Variants in TGIF1 observed in about 807,000 individuals in gnomAD.
TGIF1 encodes homeobox protein TGIF1.
TGIF1 carries 4 observed loss-of-function variants against 19.3 expected under a neutral mutation model. That is an observed-to-expected ratio of 0.21 (90% CI 0.10 to 0.47). TGIF1 has a LOEUF of 0.47. Among genes scored for constraint, TGIF1 ranks in the 20% least tolerant of loss-of-function variants. The pLI, the probability that TGIF1 is intolerant of heterozygous loss-of-function variation, is 0.98. For synonymous variants in TGIF1, 122 were observed against 129.3 expected, an observed-to-expected ratio of 0.94 and a Z score of 0.38; for missense variants, 275 against 341.4, an observed-to-expected ratio of 0.81 and a Z score of 1.53.
At chr18:3,427,318 G>A (rs1366382692) in intron 2 of TGIF1, among the ~76,000 whole-genome samples, 4 of 148,952 alleles carry the variant, frequency 2.7e-5, no homozygotes, top group Admixed American at 6.7e-5. Flanking sequence ...TTGAGATGAA[G>A]CCTCACTCTG....
At chr18:3,426,296 G>C (rs1200409281) in intron 2 of TGIF1, among the ~76,000 whole-genome samples, 1 of 150,416 alleles carries the variant, frequency 6.6e-6, no homozygotes, top group Non-Finnish European at 1.5e-5. Context: ...AGCCTCCCAA[G>C]TTGCTGGGAC....
chr18:3,452,434 G>C lies in TGIF1; in HGVS notation c.16+1929G>C, dbSNP rs1261945029. ...GACTGGTTCAGGGCTCTTTGGGGGA[G>C]CCGAGGCTGCCGAGGTTACCCGGGT... On this transcript the variant is annotated intron_variant, in intron 1 of 2. Coordinates refer to ENST00000343820, the MANE Select transcript of TGIF1 (RefSeq NM_003244.4). 25 of 1,610,554 alleles carry C rather than the reference G, an allele frequency of 1.6e-5. No homozygotes were observed. In the African/African-American group the frequency reaches 1.9e-4, roughly 12 times the overall value.
chr18:3,448,748 T>A (rs1392329221), upstream of TGIF1, among the ~76,000 whole-genome samples: 2 of 97,022 alleles, frequency 2.1e-5, no homozygotes, highest in Non-Finnish European at 4.0e-5. Flanking sequence ...TGAGGGAGGG[T>A]GGCAGGCTAG....
upstream of TGIF1, chr18:3,448,717 CTTTT>C (rs869086299): frequency 0.014 from 3,499 of 254,552 alleles, no homozygotes; most frequent in Non-Finnish European, 0.017. Context: ...GCGGGGGTGT[CTTTT>C]TTTTTTTTTT....
upstream of TGIF1, chr18:3,448,619 C>T (rs1452899322): frequency 1.7e-5 from 17 of 985,106 alleles, no homozygotes; most frequent in African/African-American, 1.6e-4. Context: ...CTTAGAGAGA[C>T]GCTTTTTTTC....
upstream of TGIF1, among the ~76,000 whole-genome samples, chr18:3,446,983 G>A (rs115082275): frequency 1.5e-3 from 228 of 152,258 alleles, 1 homozygote; most frequent in African/African-American, 5.4e-3. Context: ...TCTTCACTTG[G>A]TGGACCTGGC....
Position 3,428,715 on chromosome 18 carries a change from C to A in TGIF1, c.-45+10500C>A, listed in dbSNP as rs78796440. 3.7e-3 allele frequency among the ~76,000 whole-genome samples: 552 copies of A among 147,930 alleles called. 7 individuals are homozygous for A. Among genetic ancestry groups the A allele is most frequent in the African/African-American group, 0.013 (504 of 39,988 alleles). On this transcript the variant is annotated intron_variant, in intron 2 of 3. Coordinates refer to the TGIF1 transcript ENST00000401449. ...TCGCACCACTGCACTCCAGTTTGGG[C>A]GACAGAGCAAGACTTCATCTCAAAA...
At chr18:3,430,300 A>G (rs890480176) in intron 2 of TGIF1, among the ~76,000 whole-genome samples, 2 of 152,246 alleles carry the variant, frequency 1.3e-5, no homozygotes, top group African/African-American at 4.8e-5. Flanking sequence ...ACTGTCTTCT[A>G]TTAAACCAGG....
chr18:3,424,575 A>C (rs560763541), intron 2 of TGIF1, among the ~76,000 whole-genome samples: 1 of 141,488 alleles, frequency 7.1e-6, no homozygotes, highest in East Asian at 2.5e-4. Context: ...TGTGCTAATG[A>C]ATTGACCTTT....
At position 3,456,674 on chromosome 18, in the gene TGIF1, A is replaced by C. The variant is rs370771878; in HGVS notation, c.243+94A>C. The C allele has an allele frequency of 1.1e-5, 12 of 1,089,114 alleles. No homozygotes were observed. The highest frequency in any genetic ancestry group is 2.0e-4 in the Middle Eastern group (1 of 5,096). 67.5% of individuals were successfully genotyped at this position (1,089,114 alleles called of 1,614,324 possible). ...GTGTCAAGTCATTAAGCTCCTTGCCACTCAAAGACAGAAGGAATATCTTTT... is the reference window on the plus strand; with the variant it reads ...GTGTCAAGTCATTAAGCTCCTTGCCCCTCAAAGACAGAAGGAATATCTTTT... On this transcript the variant is annotated intron_variant, in intron 2 of 2. Transcript: ENST00000343820. The surrounding 1 kb of genome is among the most constrained non-coding windows in gnomAD (Gnocchi z 4.2).
chr18:3,422,292 A>C (rs1211370728), intron 2 of TGIF1, among the ~76,000 whole-genome samples: 1 of 141,048 alleles, frequency 7.1e-6, no homozygotes, highest in African/African-American at 3.1e-5. Context: ...AAAAGTTTAA[A>C]AAGTAAAAAA....
In TGIF1 at chr18:3,451,723, C is replaced by T; in HGVS notation, c.16+1218C>T. ...AGCTTCCCTCTGCCTCCAGGCTTTCCCAGCGAGAGTGAAATTAAACTTGAA... is the reference window on the plus strand; with the variant it reads ...AGCTTCCCTCTGCCTCCAGGCTTTCTCAGCGAGAGTGAAATTAAACTTGAA... On this transcript the variant is annotated intron_variant, in intron 1 of 2. Transcript: ENST00000343820. The surrounding 1 kb of genome is among the most constrained non-coding windows in gnomAD (Gnocchi z 5.4). The T allele has an allele frequency of 8.1e-7, 1 of 1,240,434 alleles. No individual in the cohort carries two copies. Among genetic ancestry groups the T allele is most frequent in the Non-Finnish European group, 1.0e-6 (1 of 992,684 alleles). The allele number at this position is 1,240,434 out of a possible 1,614,324, so 76.8% of individuals were successfully genotyped here.
chr18:3,449,972 C>A, upstream of TGIF1: 1 of 987,700 alleles, frequency 1.0e-6, no homozygotes, highest in Non-Finnish European at 1.2e-6. Context: ...CGGAAAGGAT[C>A]GTGTTTCTGG....
chr18:3,425,680 G>A (rs1293037069), intron 2 of TGIF1, among the ~76,000 whole-genome samples: 1 of 152,024 alleles, frequency 6.6e-6, no homozygotes, highest in African/African-American at 2.4e-5. Flanking sequence ...CAATCCGCAT[G>A]GCCCCGTCCC....
Position 3,458,128 on chromosome 18 carries a change from A to G in TGIF1, c.*188A>G. The G allele has an allele frequency of 5.1e-6, 3 of 591,656 alleles. No homozygotes were observed. Among genetic ancestry groups the G allele is most frequent in the Non-Finnish European group, 8.8e-6 (3 of 340,992 alleles). 36.7% of individuals were successfully genotyped at this position (591,656 alleles called of 1,614,324 possible). A position where few individuals can be genotyped will look rare whatever the true frequency, so the allele number is the denominator to read the frequency against. ...AGAACTATAAACTTAAAGCTACTGT[A>G]GAAACAAAGGGTTTTCTTTTTTAAA... On this transcript the variant is annotated 3_prime_UTR_variant, in exon 3 of 3. Coordinates refer to ENST00000343820, the MANE Select transcript of TGIF1 (RefSeq NM_003244.4).
chr18:3,416,049 T>G (rs775767613), intron 1 of TGIF1, among the ~76,000 whole-genome samples: 2 of 152,206 alleles, frequency 1.3e-5, no homozygotes, highest in Non-Finnish European at 2.9e-5. Context: ...GGTGCTTATT[T>G]GATATTGTTT....
intron 1 of TGIF1, among the ~76,000 whole-genome samples, chr18:3,414,565 C>T (rs181989275): frequency 1.5e-4 from 23 of 152,290 alleles, no homozygotes; most frequent in Admixed American, 3.3e-4. Context: ...CTTCTAGTAA[C>T]GGTCCCTTGG....
intron 2 of TGIF1, among the ~76,000 whole-genome samples, chr18:3,435,033 T>G (rs558561124): frequency 6.6e-6 from 1 of 152,208 alleles, no homozygotes; most frequent in Admixed American, 6.5e-5. Context: ...TAAAGTGTCT[T>G]TCATGCTTTA....
Position 3,457,732 on chromosome 18 carries a change from C to T in TGIF1, c.611C>T (p.Ala204Val), listed in dbSNP as rs765441526. 23 of 1,614,020 alleles carry T rather than the reference C, an allele frequency of 1.4e-5. No individual in the cohort carries two copies. The highest frequency in any genetic ancestry group is 4.0e-5 in the African/African-American group (3 of 74,916). The change falls in exon 3 of 3, where the codon GCG becomes GTG. Residue 204 changes from alanine to valine, a missense_variant. Transcript: ENST00000343820. This position sits in a 1 kb window ranked among gnomAD's most constrained non-coding sequence, Gnocchi z 4.9. The stretch of plus-strand genomic sequence containing the variant: ...CAAAACACAGATATACAGCAGATAG[C>T]GGCCAAAAACTTCACAGACACCTCT... ...VGQNTDIQQIAAKNFTDTSLM... is the reference protein window; with the variant it reads ...VGQNTDIQQIVAKNFTDTSLM...
Sources: gnomAD v4.1 joint callset for allele counts (sites outside exome capture counted in the v4.1 genomes callset) on GRCh38, gnomAD v4.1.1 for gene constraint, Gnocchi (gnomAD v3.1) non-coding constraint, MANE v1.5 for transcripts, NCBI Gene and HGNC (gene_info 2026-07-23, HGNC 2026-07-21) for gene names.